The following SLC8A3 variants were observed in gnomAD, a reference collection of about 807,000 sequenced individuals.
The protein encoded by SLC8A3 is solute carrier family 8 member A3.
SLC8A3 carries 37 observed loss-of-function variants against 65.4 expected under a neutral mutation model. The ratio of observed to expected loss-of-function variants is 0.57; its 90% CI spans 0.44 to 0.74. SLC8A3 has a LOEUF of 0.74. Ranked by LOEUF, SLC8A3 falls within the 30% of genes least tolerant of loss-of-function variation. The pLI is 0.00. For synonymous variants in SLC8A3, 461 were observed against 444.5 expected (o/e 1.04, Z -0.47); for missense variants, 1,112 against 1,172.1 (o/e 0.95, Z 0.75).
At chr14:70,082,609 G>A (rs1442371576) in intron 2 of SLC8A3, among the ~76,000 whole-genome samples, 1 of 152,128 alleles carries the variant, frequency 6.6e-6, no homozygotes, top group Non-Finnish European at 1.5e-5. Flanking sequence ...TTTCTAGTTT[G>A]TAGCTACCAC....
chr14:70,053,205 C>G (rs1887696850), intron 3 of SLC8A3, among the ~76,000 whole-genome samples: 1 of 152,190 alleles, frequency 6.6e-6, no homozygotes, highest in South Asian at 2.1e-4. Context: ...TGTCCTTCCT[C>G]TAGTGCTGGT....
At chr14:70,063,462 C>T (rs768534758) in intron 2 of SLC8A3, among the ~76,000 whole-genome samples, 2 of 152,190 alleles carry the variant, frequency 1.3e-5, no homozygotes, top group South Asian at 4.1e-4. Context: ...GTCCCTTTTC[C>T]CCCCTTTATG....
chr14:70,123,193 T>A (rs1241603352), intron 2 of SLC8A3, among the ~76,000 whole-genome samples: 1 of 151,030 alleles, frequency 6.6e-6, no homozygotes, highest in African/African-American at 2.4e-5. Flanking sequence ...TGCAGTGAGC[T>A]GAGATCACGC....
chr14:70,158,852 T>A (rs1175657036), intron 2 of SLC8A3, among the ~76,000 whole-genome samples: 2 of 152,194 alleles, frequency 1.3e-5, no homozygotes, highest in Admixed American at 1.3e-4. Context: ...GAAATATAAT[T>A]CCTATGAATG....
intron 2 of SLC8A3, among the ~76,000 whole-genome samples, chr14:70,157,584 T>C (rs1220239380): frequency 6.6e-6 from 1 of 152,162 alleles, no homozygotes; most frequent in African/African-American, 2.4e-5. Flanking sequence ...TGGGGTACCA[T>C]TGCAAGCTGC....
chr14:70,078,349 T>C (rs1354643817), intron 2 of SLC8A3, among the ~76,000 whole-genome samples: 1 of 152,242 alleles, frequency 6.6e-6, no homozygotes, highest in Non-Finnish European at 1.5e-5. Flanking sequence ...TAGCAGAGCA[T>C]TAAAATTAGG....
At chr14:70,058,939 T>G (rs1178698186) in intron 3 of SLC8A3, among the ~76,000 whole-genome samples, 3 of 152,200 alleles carry the variant, frequency 2.0e-5, no homozygotes, top group African/African-American at 7.2e-5. Flanking sequence ...GAATAAATGC[T>G]CAAGGGAGGT....
intron 2 of SLC8A3, among the ~76,000 whole-genome samples, chr14:70,139,839 C>T (rs1323303684): frequency 6.6e-6 from 1 of 152,120 alleles, no homozygotes; most frequent in Admixed American, 6.5e-5. Flanking sequence ...GAACTGAATA[C>T]CATCTCCAAA....
At chr14:70,058,126 G>T (rs145871048) in intron 3 of SLC8A3, among the ~76,000 whole-genome samples, 1 of 152,044 alleles carries the variant, frequency 6.6e-6, no homozygotes, top group Admixed American at 6.5e-5. Flanking sequence ...CAAAAATAGA[G>T]TCTCCTATTT....
intron 5 of SLC8A3, among the ~76,000 whole-genome samples, chr14:70,049,591 T>C (rs1887232565): frequency 6.6e-6 from 1 of 151,406 alleles, no homozygotes; most frequent in Admixed American, 6.6e-5. Flanking sequence ...GTAACAAAAC[T>C]CTATGTTCTG....
chr14:70,160,469 C>T (rs1896818549), intron 2 of SLC8A3, among the ~76,000 whole-genome samples: 1 of 152,074 alleles, frequency 6.6e-6, no homozygotes, highest in Non-Finnish European at 1.5e-5. Context: ...AGAGAATATG[C>T]CTAGGTCATA....
At chr14:70,092,005 A>G (rs1891834688) in intron 2 of SLC8A3, among the ~76,000 whole-genome samples, 1 of 152,114 alleles carries the variant, frequency 6.6e-6, no homozygotes, top group South Asian at 2.1e-4. Flanking sequence ...TTCCTATGCA[A>G]CCCTCACAGA....
chr14:70,124,427 T>G (rs530914432), intron 2 of SLC8A3, among the ~76,000 whole-genome samples: 7 of 152,364 alleles, frequency 4.6e-5, no homozygotes, highest in African/African-American at 1.7e-4. Flanking sequence ...TCACTGCTTC[T>G]CACATTGTCC....
At chr14:70,102,412 A>G (rs908577572) in intron 2 of SLC8A3, among the ~76,000 whole-genome samples, 18 of 152,232 alleles carry the variant, frequency 1.2e-4, no homozygotes, top group Non-Finnish European at 2.5e-4. Flanking sequence ...ACTGTTTATA[A>G]TATTTCATTT....
intron 2 of SLC8A3, among the ~76,000 whole-genome samples, chr14:70,165,548 T>C (rs997833426): frequency 2.6e-5 from 4 of 152,238 alleles, no homozygotes; most frequent in Non-Finnish European, 4.4e-5. Flanking sequence ...TTTGTGGATA[T>C]GTTCAGTCAT....
At chr14:70,098,613 A>G (rs563473944) in intron 2 of SLC8A3, among the ~76,000 whole-genome samples, 1 of 152,282 alleles carries the variant, frequency 6.6e-6, no homozygotes, top group South Asian at 2.1e-4. Context: ...GGTCCAGCCC[A>G]CTGCTGGGGA....
At chr14:70,121,411 T>C (rs1894041188) in intron 2 of SLC8A3, among the ~76,000 whole-genome samples, 1 of 152,234 alleles carries the variant, frequency 6.6e-6, no homozygotes, top group Non-Finnish European at 1.5e-5. Flanking sequence ...ACTGGGAGAC[T>C]AGATGCTCCT....
chr14:70,155,706 T>A (rs1214699155), intron 2 of SLC8A3, among the ~76,000 whole-genome samples: 1 of 152,240 alleles, frequency 6.6e-6, no homozygotes, highest in Non-Finnish European at 1.5e-5. Context: ...ATAACAGTGG[T>A]AAGGCCCAGG....
At chr14:70,063,089 G>A (rs1889002900) in intron 2 of SLC8A3, among the ~76,000 whole-genome samples, 3 of 152,120 alleles carry the variant, frequency 2.0e-5, no homozygotes, top group Admixed American at 2.0e-4. Context: ...ACCTCTTGGG[G>A]AAGCTTCCAT....
Sources: gnomAD v4.1 joint callset for allele counts (sites outside exome capture counted in the v4.1 genomes callset) on GRCh38, gnomAD v4.1.1 for gene constraint, MANE v1.5 for transcripts, NCBI Gene and HGNC (gene_info 2026-07-23, HGNC 2026-07-21) for gene names.